The following KLRG1 variants were observed in gnomAD, a reference collection of about 807,000 sequenced individuals.
The protein encoded by KLRG1 is killer cell lectin-like receptor subfamily G member 1.
A neutral mutation model predicts 21.8 loss-of-function variants in KLRG1; 16 were observed. The observed-to-expected ratio is 0.73, with a 90% CI of 0.50 to 1.11. The LOEUF (loss-of-function observed/expected upper bound fraction) is 1.11, where lower values mean the gene tolerates loss of function less well. Ranked by LOEUF, KLRG1 falls within the 50% of genes most tolerant of loss-of-function variation. The pLI, the probability that KLRG1 is intolerant of heterozygous loss-of-function variation, is 0.00. For synonymous variants in KLRG1, 69 were observed against 75.9 expected, an observed-to-expected ratio of 0.91 and a Z score of 0.47; for missense variants, 173 against 218.3, an observed-to-expected ratio of 0.79 and a Z score of 1.31.
the KLRG1 span, chr12:9,113,315 C>A: frequency 5.0e-6 from 8 of 1,598,294 alleles, no homozygotes; most frequent in South Asian, 9.1e-5. Flanking sequence ...CCCTATGACC[C>A]TGACTAAAAG....
chr12:9,185,698 A>G, the KLRG1 span, among the ~76,000 whole-genome samples: 2 of 152,038 alleles, frequency 1.3e-5, no homozygotes, highest in Non-Finnish European at 2.9e-5. Flanking sequence ...GAGAAAGGAC[A>G]AGTCACCTAC....
chr12:9,177,630 A>G, the KLRG1 span, among the ~76,000 whole-genome samples: 1 of 152,374 alleles, frequency 6.6e-6, no homozygotes, highest in South Asian at 2.1e-4. Context: ...AAATAGGTAC[A>G]TAAATGAACA....
chr12:9,091,446 G>C, the KLRG1 span: 1 of 1,613,106 alleles, frequency 6.2e-7, no homozygotes, highest in Non-Finnish European at 8.5e-7. Flanking sequence ...AGGAGTGTAA[G>C]TGAAGAACAG....
At chr12:9,106,289 A>G in the KLRG1 span, 5 of 1,613,592 alleles carry the variant, frequency 3.1e-6, no homozygotes, top group Middle Eastern at 3.3e-4. Context: ...TTCACAAATG[A>G]GAGTTTGGTT....
At chr12:8,992,163 C>A in intron 1 of KLRG1, 43 bp from the exon 2 acceptor site, 1 of 1,509,680 alleles carries the variant, frequency 6.6e-7, no homozygotes, top group Non-Finnish European at 9.1e-7. Context: ...TTCTTTCAAC[C>A]TGTCATCTGA....
the KLRG1 span, chr12:9,197,147 G>A: frequency 2.7e-6 from 4 of 1,486,852 alleles, no homozygotes; most frequent in Admixed American, 5.1e-5. Flanking sequence ...AATAAATCAG[G>A]AATTGAGAAT....
chr12:9,027,721 C>G, the KLRG1 span: 6 of 1,290,264 alleles, frequency 4.7e-6, no homozygotes, highest in South Asian at 7.1e-5. Flanking sequence ...GTAGCTTCCA[C>G]CACCTCCAAA....
the KLRG1 span, among the ~76,000 whole-genome samples, chr12:9,124,142 T>C: frequency 6.6e-6 from 1 of 152,304 alleles, no homozygotes; most frequent in South Asian, 2.1e-4. Context: ...GTAACAGACA[T>C]GTATGTGATG....
the KLRG1 span, among the ~76,000 whole-genome samples, chr12:9,184,877 T>C: frequency 6.6e-6 from 1 of 152,156 alleles, no homozygotes; most frequent in Non-Finnish European, 1.5e-5. Context: ...ACTCACCTTA[T>C]ACCACAATCA....
At chr12:8,958,240 C>G (rs12812913) in intron 1 of KLRG1, among the ~76,000 whole-genome samples, 55,736 of 151,912 alleles carry the variant, frequency 0.37, 11,348 homozygotes, top group Middle Eastern at 0.47. Flanking sequence ...GTTGAGGTAG[C>G]ACTGAGGTTC....
upstream of KLRG1, among the ~76,000 whole-genome samples, chr12:8,987,940 T>G (rs1293442824): frequency 6.6e-6 from 1 of 152,242 alleles, no homozygotes; most frequent in Non-Finnish European, 1.5e-5. Flanking sequence ...GCTAAACTAT[T>G]GATGACTCTT....
At chr12:8,992,411 A>T in intron 2 of KLRG1, 101 bp downstream of exon 2, 1 of 768,998 alleles carries the variant, frequency 1.3e-6, no homozygotes, top group Non-Finnish European at 2.1e-6. Flanking sequence ...TTCAAACAAA[A>T]TAACTCTCCA....
chr12:9,093,568 T>C, the KLRG1 span: 2 of 1,597,928 alleles, frequency 1.3e-6, no homozygotes, highest in Non-Finnish European at 8.5e-7. Flanking sequence ...CCTCTTCCCA[T>C]TACATCTGAC....
chr12:9,077,535 G>A, the KLRG1 span: 496,258 of 1,451,884 alleles, frequency 0.34, 90,020 homozygotes, highest in African/African-American at 0.55. Context: ...TCCCTATAGG[G>A]CAAAGTATCA....
intron 1 of KLRG1, among the ~76,000 whole-genome samples, chr12:8,956,895 G>A (rs981792173): frequency 9.2e-5 from 14 of 152,216 alleles, no homozygotes; most frequent in African/African-American, 3.4e-4. Context: ...TGGAGGTGAT[G>A]CCCTGCTGTA....
chr12:8,974,280 G>A (rs1026971765), intron 1 of KLRG1, among the ~76,000 whole-genome samples: 8 of 151,468 alleles, frequency 5.3e-5, no homozygotes, highest in Non-Finnish European at 1.0e-4. Flanking sequence ...CCATTCTTCT[G>A]CCTCAGCCTC....
At chr12:9,151,604 C>G in the KLRG1 span, 1 of 1,613,364 alleles carries the variant, frequency 6.2e-7, no homozygotes, top group Non-Finnish European at 8.5e-7. Flanking sequence ...GAGCCCTCAC[C>G]TGTTCCACAT....
chr12:8,974,446 C>T (rs867275336), intron 1 of KLRG1, among the ~76,000 whole-genome samples: 13 of 152,190 alleles, frequency 8.5e-5, no homozygotes, highest in Middle Eastern at 3.4e-3. Flanking sequence ...GGATTACAGG[C>T]GTGAGCCACT....
the KLRG1 span, chr12:9,094,934 A>C: frequency 2.6e-6 from 3 of 1,145,746 alleles, no homozygotes; most frequent in Middle Eastern, 4.9e-4. Flanking sequence ...AATTTGGTGA[A>C]TATATTAGGC....
Sources: allele counts gnomAD v4.1 joint callset (sites outside exome capture counted in the v4.1 genomes callset), GRCh38; gene constraint gnomAD v4.1.1; transcripts MANE v1.5; gene names NCBI Gene and HGNC (gene_info 2026-07-23, HGNC 2026-07-21).